The following NEK10 variants were observed in gnomAD, a reference collection of about 807,000 sequenced individuals.
NEK10 encodes serine/threonine-protein kinase Nek10.
Under a neutral mutation model 159.8 loss-of-function variants are expected in NEK10, and 122 were observed. The observed-to-expected ratio is 0.76, with a 90% CI of 0.66 to 0.89. The LOEUF (loss-of-function observed/expected upper bound fraction) is 0.89, where lower values mean the gene tolerates loss of function less well. Among genes scored for constraint, NEK10 ranks in the 40% least tolerant of loss-of-function variants. The pLI, the probability that NEK10 is intolerant of heterozygous loss-of-function variation, is 0.00. For synonymous variants in NEK10, 466 were observed against 457.1 expected (o/e 1.02, Z -0.25); for missense variants, 1,342 against 1,323.1 (o/e 1.01, Z -0.22).
chr3:27,217,952 C>T (rs961554117), intron 23 of NEK10, among the ~76,000 whole-genome samples: 1 of 152,048 alleles, frequency 6.6e-6, no homozygotes, highest in Admixed American at 6.6e-5. Flanking sequence ...TTAACAATAA[C>T]TAATAACAAA....
At chr3:27,191,996 G>T in intron 26 of NEK10, 33 bp downstream of exon 26, 1 of 1,576,526 alleles carries the variant, frequency 6.3e-7, no homozygotes, top group Non-Finnish European at 8.7e-7. Context: ...CCATTAGAGT[G>T]CATCATGAAC....
chr3:27,337,654 C>G (rs1196669687), intron 5 of NEK10, among the ~76,000 whole-genome samples: 1 of 152,068 alleles, frequency 6.6e-6, no homozygotes, highest in Non-Finnish European at 1.5e-5. Flanking sequence ...CACATATTTA[C>G]AGCCAATTGA....
At chr3:27,155,144 T>C (rs1394541483) in intron 30 of NEK10, among the ~76,000 whole-genome samples, 2 of 152,200 alleles carry the variant, frequency 1.3e-5, no homozygotes, top group Non-Finnish European at 2.9e-5. Flanking sequence ...AGCTCTTCTA[T>C]ACACCAACAG....
intron 23 of NEK10, among the ~76,000 whole-genome samples, chr3:27,245,608 A>G (rs751993579): frequency 2.6e-5 from 4 of 152,192 alleles, no homozygotes; most frequent in Non-Finnish European, 5.9e-5. Flanking sequence ...ATGCATCCAC[A>G]TGAGTTCAGG....
intron 4 of NEK10, among the ~76,000 whole-genome samples, chr3:27,344,727 T>C (rs1391107488): frequency 6.6e-6 from 1 of 152,178 alleles, no homozygotes; most frequent in African/African-American, 2.4e-5. Flanking sequence ...TGGGGCACAT[T>C]ATTTAGACAG....
At chr3:27,246,150 G>A (rs1488554174) in intron 23 of NEK10, among the ~76,000 whole-genome samples, 1 of 152,140 alleles carries the variant, frequency 6.6e-6, no homozygotes, top group Non-Finnish European at 1.5e-5. Context: ...TTGTGATTCT[G>A]AGGAGTTCAG....
chr3:27,245,315 AC>A, intron 23 of NEK10, among the ~76,000 whole-genome samples: 1 of 152,172 alleles, frequency 6.6e-6, no homozygotes, highest in East Asian at 1.9e-4. Context: ...AGTACCATGC[AC>A]CTGCTTCCAT....
chr3:27,316,477 C>T (rs748012865), intron 6 of NEK10, among the ~76,000 whole-genome samples: 3 of 151,968 alleles, frequency 2.0e-5, no homozygotes, highest in Non-Finnish European at 4.4e-5. Context: ...GGACATACTG[C>T]AGTGCCGCAG....
intron 23 of NEK10, among the ~76,000 whole-genome samples, chr3:27,239,591 C>T (rs1156580902): frequency 6.6e-6 from 1 of 152,174 alleles, no homozygotes; most frequent in South Asian, 2.1e-4. Flanking sequence ...TTATAAGAGA[C>T]TTGTATCCCT....
intron 22 of NEK10, among the ~76,000 whole-genome samples, chr3:27,263,599 T>C (rs7624007): frequency 0.26 from 39,113 of 152,060 alleles, 5,199 homozygotes; most frequent in Middle Eastern, 0.38. Context: ...GCTCCGTGGG[T>C]ATAGGACCCT....
chr3:27,113,846 C>T (rs1272294946), intron 35 of NEK10, among the ~76,000 whole-genome samples: 2 of 152,084 alleles, frequency 1.3e-5, no homozygotes, highest in Non-Finnish European at 2.9e-5. Flanking sequence ...TCCTTGCACA[C>T]TTAGTTTTTC....
chr3:27,203,164 C>A (rs559295796), intron 23 of NEK10, among the ~76,000 whole-genome samples: 1 of 152,246 alleles, frequency 6.6e-6, no homozygotes, highest in African/African-American at 2.4e-5. Context: ...CCCAGACAAC[C>A]CATATACCAA....
intron 29 of NEK10, among the ~76,000 whole-genome samples, chr3:27,167,913 T>C (rs904951877): frequency 6.6e-6 from 1 of 152,188 alleles, no homozygotes; most frequent in Admixed American, 6.5e-5. Context: ...CATTTGCTCA[T>C]GTTGTATCCA....
intron 20 of NEK10, among the ~76,000 whole-genome samples, chr3:27,286,808 G>C (rs1050697466): frequency 1.3e-5 from 2 of 151,848 alleles, no homozygotes; most frequent in African/African-American, 4.8e-5. Context: ...TTTTTGAAGG[G>C]ATATACACTA....
intron 33 of NEK10, among the ~76,000 whole-genome samples, chr3:27,118,691 A>G (rs1940854935): frequency 6.6e-6 from 1 of 152,212 alleles, no homozygotes; most frequent in Non-Finnish European, 1.5e-5. Flanking sequence ...CAGAGTTTCT[A>G]TGATGCGGAG....
intron 16 of NEK10, among the ~76,000 whole-genome samples, chr3:27,293,060 T>C (rs1265615055): frequency 6.6e-6 from 1 of 152,174 alleles, no homozygotes; most frequent in East Asian, 1.9e-4. Flanking sequence ...AGTGTTTGCT[T>C]CCCGAAATGG....
chr3:27,125,266 A>G (rs1006759915), intron 32 of NEK10, among the ~76,000 whole-genome samples: 1 of 152,162 alleles, frequency 6.6e-6, no homozygotes, highest in Admixed American at 6.5e-5. Context: ...TATACATGTA[A>G]TATTTATTAA....
In NEK10 at chr3:27,193,698, A is replaced by G. The variant is rs564079071; in HGVS notation, c.2292-1456T>C. Among the ~76,000 whole-genome samples the G allele has an allele frequency of 4.6e-5, 6 of 130,094 alleles. No individual in the cohort carries two copies. The South Asian group carries it at 1.2e-3, about 25-fold the overall frequency. 85.3% of individuals were successfully genotyped at this position (130,094 alleles called of 152,430 possible). A position where few individuals can be genotyped will look rare whatever the true frequency, so the allele number is the denominator to read the frequency against. On this transcript the variant is annotated intron_variant, in intron 25 of 35. Transcript: ENST00000691995. Reference sequence around the variant, plus strand: ...CTTATATACTTGCCAAAATCCCACTATTTTTCCAGGCTCCATTAGGAATAC... The same window carrying G: ...CTTATATACTTGCCAAAATCCCACTGTTTTTCCAGGCTCCATTAGGAATAC...
intron 1 of NEK10, among the ~76,000 whole-genome samples, chr3:27,358,049 T>G (rs988068098): frequency 1.3e-4 from 20 of 152,358 alleles, no homozygotes; most frequent in African/African-American, 4.8e-4. Flanking sequence ...ATTCTACCAA[T>G]GAGATTAGGC....
Sources: gnomAD v4.1 joint callset for allele counts (sites outside exome capture counted in the v4.1 genomes callset) on GRCh38, gnomAD v4.1.1 for gene constraint, MANE v1.5 for transcripts, NCBI Gene and HGNC (gene_info 2026-07-23, HGNC 2026-07-21) for gene names.